The following GATM variants were observed in gnomAD, a reference collection of about 807,000 sequenced individuals.
The protein encoded by GATM is glycine amidinotransferase.
GATM carries 23 observed loss-of-function variants against 54.2 expected under a neutral mutation model. The ratio of observed to expected loss-of-function variants is 0.42; its 90% CI spans 0.31 to 0.60. The LOEUF (loss-of-function observed/expected upper bound fraction) is 0.60, where lower values mean the gene tolerates loss of function less well. GATM is among the 20% of genes least tolerant of loss of function. The pLI, the probability that GATM is intolerant of heterozygous loss-of-function variation, is 0.14. For missense variants in GATM, 401 were observed against 544.9 expected (o/e 0.74, Z 2.63); for synonymous variants, 168 against 183.1 (o/e 0.92, Z 0.67).
In GATM at chr15:45,393,003, T is replaced by G. The variant is rs537425741; in HGVS notation, c.-319+3919A>C. Among the ~76,000 whole-genome samples, 4 of 152,316 alleles carry G rather than the reference T, an allele frequency of 2.6e-5. 1 individual carries two copies. Among genetic ancestry groups the G allele is most frequent in the African/African-American group, 9.6e-5 (4 of 41,568 alleles). On this transcript the variant is annotated intron_variant, in intron 3 of 4. Coordinates refer to the GATM transcript ENST00000561148. The stretch of plus-strand genomic sequence containing the variant: ...ACTGGCTTATTACTATTAATTAAAA[T>G]AATAATTAACACTGACCACTTAATA...
chr15:45,375,050 T>C (rs533779810), intron 2 of GATM, among the ~76,000 whole-genome samples: 2 of 152,174 alleles, frequency 1.3e-5, no homozygotes, highest in Admixed American at 6.5e-5. Context: ...ACGTTACAGA[T>C]AAAAACCACT....
In GATM at chr15:45,378,544, T is replaced by C; in HGVS notation, c.-91A>G. 3 of 989,192 alleles carry C rather than the reference T, an allele frequency of 3.0e-6. No homozygotes were observed. Among genetic ancestry groups the C allele is most frequent in the Non-Finnish European group, 3.9e-6 (3 of 759,588 alleles). 61.3% of individuals were successfully genotyped at this position (989,192 alleles called of 1,614,324 possible). A position where few individuals can be genotyped will look rare whatever the true frequency, so the allele number is the denominator to read the frequency against. ...TCCCGAGAGCGCGCCCGGAGCGGGG[T>C]GGGCGGGCGCGCGGGGCCCGAGGCC... On this transcript the variant is annotated 5_prime_UTR_variant, in exon 1 of 9. Coordinates refer to ENST00000396659, the MANE Select transcript of GATM (RefSeq NM_001482.3).
intron 4 of GATM, among the ~76,000 whole-genome samples, chr15:45,367,507 T>C (rs1020395320): frequency 6.6e-6 from 1 of 152,326 alleles, no homozygotes; most frequent in East Asian, 1.9e-4. Context: ...CCTGCCAAAT[T>C]TGATTGGGAG....
chr15:45,376,491 A>C (rs1485387170), intron 2 of GATM, 110 bp downstream of exon 2: 6 of 881,072 alleles, frequency 6.8e-6, no homozygotes, highest in African/African-American at 1.6e-5. Context: ...AGATAACTTA[A>C]TCACTGGATT....
Position 45,364,793 on chromosome 15 carries a change from A to G in GATM, c.1042+4T>C, listed in dbSNP as rs1191624574. ...AGTCTAACAGTGTATGAAAGTAAAC[A>G]TACCGTCTGGGATGATTGGTGTTGG... On this transcript the variant is annotated splice_donor_region_variant and intron_variant, in intron 7 of 8. Transcript: ENST00000396659. 1 of 1,612,168 alleles carries G rather than the reference A, an allele frequency of 6.2e-7. No individual in the cohort carries two copies. Among genetic ancestry groups the G allele is most frequent in the African/African-American group, 1.3e-5 (1 of 74,990 alleles).
At chr15:45,364,993 A>AAAAGAAAG in intron 6 of GATM, 133 bp from the exon 7 acceptor site, 2 of 737,886 alleles carry the variant, frequency 2.7e-6, no homozygotes, top group Non-Finnish European at 4.6e-6. Flanking sequence ...GAAAGAAATT[A>AAAAGAAAG]AAATTTCTAA....
At chr15:45,378,310 C>T (rs1889676805) in intron 1 of GATM, 75 bp downstream of exon 1, 4 of 1,189,426 alleles carry the variant, frequency 3.4e-6, no homozygotes, top group Non-Finnish European at 4.7e-6. Flanking sequence ...GGGCAGGGAG[C>T]GAGCGAGTGC....
In GATM at chr15:45,366,098, T is replaced by C; in HGVS notation, c.926A>G (p.Asn309Ser). 6.2e-7 allele frequency: 1 copy of C among 1,614,062 alleles called. No individual in the cohort carries two copies. The highest frequency in any genetic ancestry group is 8.5e-7 in the Non-Finnish European group (1 of 1,179,932). ...PNPMHIDATFNIIGPGIVLSN... is the reference protein window; with the variant it reads ...PNPMHIDATFSIIGPGIVLSN... The stretch of plus-strand genomic sequence containing the variant: ...AAGCACAATACCAGGTCCAATGATG[T>C]TGAAGGTAGCATCAATATGCATGGG... Residue 309 changes from asparagine to serine, a missense_variant, in exon 6 of 9, where the codon AAC (asparagine) becomes AGC (serine). Physicochemically the swap from Asn to Ser is conservative, Grantham distance 46 (BLOSUM62 1). Around this residue, in one of 3 missense-constraint regions of GATM, gnomAD observed 321 missense variants for 457.5 expected, o/e 0.70. Coordinates refer to ENST00000396659, the MANE Select transcript of GATM (RefSeq NM_001482.3).
chr15:45,372,692 C>T (rs1422768530), intron 2 of GATM, among the ~76,000 whole-genome samples: 1 of 152,200 alleles, frequency 6.6e-6, no homozygotes, highest in Non-Finnish European at 1.5e-5. Flanking sequence ...TCCTCCGTGA[C>T]TATTTGTGCA....
At chr15:45,371,384 GTTTA>G (rs1186181801) in intron 2 of GATM, among the ~76,000 whole-genome samples, 1 of 152,180 alleles carries the variant, frequency 6.6e-6, no homozygotes, top group Non-Finnish European at 1.5e-5. Flanking sequence ...TTTTAAAAAT[GTTTA>G]TTTATATAAT....
chr15:45,367,813 T>C (rs975709258), intron 4 of GATM, among the ~76,000 whole-genome samples: 5 of 152,094 alleles, frequency 3.3e-5, no homozygotes, highest in African/African-American at 1.2e-4. Context: ...ACAAACAGGA[T>C]TGAGGATGTA....
At chr15:45,388,820 G>C (rs1419589233) in intron 3 of GATM, among the ~76,000 whole-genome samples, 1 of 152,056 alleles carries the variant, frequency 6.6e-6, no homozygotes, top group Non-Finnish European at 1.5e-5. Context: ...CTGTAAAGTT[G>C]GTTGGTGTTT....
chr15:45,370,987 C>T (rs1294027235), intron 2 of GATM, among the ~76,000 whole-genome samples: 1 of 152,150 alleles, frequency 6.6e-6, no homozygotes, highest in Non-Finnish European at 1.5e-5. Context: ...GTTGGCCAGG[C>T]TGGTCTCAAT....
chr15:45,397,932 C>G (rs1889952825), intron 2 of GATM, among the ~76,000 whole-genome samples: 1 of 152,200 alleles, frequency 6.6e-6, no homozygotes, highest in Non-Finnish European at 1.5e-5. Context: ...ACTCCCCAAC[C>G]AACACCTGGT....
chr15:45,402,126 G>A, exon 1 of GATM: 1 of 418,728 alleles, frequency 2.4e-6, no homozygotes, highest in Non-Finnish European at 4.2e-6. Context: ...CAAAGTACAT[G>A]CTTAATGACC....
intron 3 of GATM, among the ~76,000 whole-genome samples, chr15:45,389,867 CT>C (rs111404904): frequency 4.7e-5 from 7 of 149,766 alleles, no homozygotes; most frequent in African/African-American, 1.2e-4. Context: ...TTTTCTTTTT[CT>C]TTTTTTTTGG....
Position 45,376,962 on chromosome 15 carries a change from T to C in GATM, c.70-143A>G, listed in dbSNP as rs570676775. 3.9e-5 allele frequency: 29 copies of C among 741,112 alleles called. No homozygotes were observed. In the African/African-American group the frequency reaches 4.7e-4, roughly 12 times the overall value. The allele number at this position is 741,112 out of a possible 1,614,324, so 45.9% of individuals were successfully genotyped here. A position where few individuals can be genotyped will look rare whatever the true frequency, so the allele number is the denominator to read the frequency against. ...ACAGCATAAACCAAGACGTTAACAG[T>C]GTGTAGGTGGGTAGTGGGATTACAG... On this transcript the variant is annotated intron_variant, in intron 1 of 8. Coordinates refer to ENST00000396659, the MANE Select transcript of GATM (RefSeq NM_001482.3).
At chr15:45,367,266 G>T (rs927525130) in intron 4 of GATM, among the ~76,000 whole-genome samples, 1 of 151,826 alleles carries the variant, frequency 6.6e-6, no homozygotes, top group East Asian at 1.9e-4. Context: ...GCTGGAACCC[G>T]GGAGGCAGAG....
chr15:45,386,531 T>C (rs1015118212), intron 3 of GATM, among the ~76,000 whole-genome samples: 3 of 152,204 alleles, frequency 2.0e-5, no homozygotes, highest in Non-Finnish European at 4.4e-5. Flanking sequence ...ACCTGGCTCC[T>C]CTCATGTCCA....
Sources: allele counts gnomAD v4.1 joint callset (sites outside exome capture counted in the v4.1 genomes callset), GRCh38; gene constraint gnomAD v4.1.1; regional missense constraint gnomAD v4.1.1; transcripts MANE v1.5; gene names NCBI Gene and HGNC (gene_info 2026-07-23, HGNC 2026-07-21).